CSMD1: variants seen among roughly 807,000 people sequenced by gnomAD.
CSMD1 encodes the protein CUB and sushi domain-containing protein 1.
Under a neutral mutation model 417.5 loss-of-function variants are expected in CSMD1, and 213 were observed. The observed-to-expected ratio is 0.51, with a 90% CI of 0.46 to 0.57. The LOEUF is 0.57. Ranked by LOEUF, CSMD1 falls within the 20% of genes least tolerant of loss-of-function variation. CSMD1 has a pLI of 0.00. For missense variants in CSMD1, 6,923 were observed against 4,529.7 expected (o/e 1.53, Z -15.17); for synonymous variants, 2,862 against 1,736.8 (o/e 1.65, Z -16.11).
intron 5 of CSMD1, among the ~76,000 whole-genome samples, chr8:3,759,730 CT>C: frequency 1.6e-5 from 2 of 126,438 alleles, no homozygotes; most frequent in African/African-American, 3.3e-5. Flanking sequence ...ACCACCTCTA[CT>C]AAAAATACCA....
chr8:4,331,069 T>C (rs1799843434), intron 3 of CSMD1, among the ~76,000 whole-genome samples: 1 of 152,232 alleles, frequency 6.6e-6, no homozygotes, highest in South Asian at 2.1e-4. Context: ...ATAATTTTTG[T>C]TTCTTATTCT....
Position 4,031,948 on chromosome 8 carries a change from T to C in CSMD1, c.567A>G (p.Pro189=). Residue 189 remains proline, a synonymous_variant, in exon 4 of 70, where the codon CCA becomes CCG. Coordinates refer to ENST00000635120, the MANE Select transcript of CSMD1 (RefSeq NM_033225.6). ...GGAAGTCCCACGATGCACCATTTCCTGGGCTGACGATGCAGGTCAGGATGG... is the reference window on the plus strand; with the variant it reads ...GGAAGTCCCACGATGCACCATTTCCCGGGCTGACGATGCAGGTCAGGATGG... ...GHAILTCIVS[P]GNGASWDFPA... The C allele has an allele frequency of 6.2e-7, 1 of 1,613,966 alleles. No individual in the cohort carries two copies. The highest frequency in any genetic ancestry group is 1.3e-5 in the African/African-American group (1 of 75,054).
chr8:3,404,241 A>G (rs956049011), intron 15 of CSMD1, among the ~76,000 whole-genome samples: 5 of 151,990 alleles, frequency 3.3e-5, no homozygotes, highest in African/African-American at 1.2e-4. Context: ...AGGCTGAGGC[A>G]GAAGAACTGC....
chr8:4,962,591 T>C (rs1030413869), intron 1 of CSMD1, among the ~76,000 whole-genome samples: 6 of 152,156 alleles, frequency 3.9e-5, no homozygotes, highest in Admixed American at 3.3e-4. Context: ...ATCAGATGGG[T>C]ATTTGATAAA....
intron 3 of CSMD1, among the ~76,000 whole-genome samples, chr8:4,084,837 A>G (rs867350219): frequency 6.7e-6 from 1 of 148,486 alleles, no homozygotes; most frequent in Non-Finnish European, 1.5e-5. Context: ...GCTCTGTTCC[A>G]TCTTGAAGAA....
intron 10 of CSMD1, among the ~76,000 whole-genome samples, chr8:3,551,289 C>A (rs1301178997): frequency 2.0e-5 from 3 of 152,124 alleles, no homozygotes; most frequent in Non-Finnish European, 2.9e-5. Context: ...TACTACAGGA[C>A]TGTCATATCC....
chr8:4,882,459 GC>G (rs140612310), intron 1 of CSMD1, among the ~76,000 whole-genome samples: 2,889 of 151,788 alleles, frequency 0.019, 116 homozygotes, highest in African/African-American at 0.066. Flanking sequence ...GTATTGGGGG[GC>G]GAGTTTGGCG....
chr8:3,610,494 A>C (rs1218378638), intron 8 of CSMD1, among the ~76,000 whole-genome samples: 1 of 40,252 alleles, frequency 2.5e-5, no homozygotes, highest in African/African-American at 7.7e-5. Context: ...AGGCTGAGTG[A>C]CAAGTAACAG....
chr8:4,015,017 C>T (rs950903643), intron 4 of CSMD1, among the ~76,000 whole-genome samples: 2 of 152,128 alleles, frequency 1.3e-5, no homozygotes, highest in African/African-American at 2.4e-5. Flanking sequence ...ACCAGGTTTA[C>T]TAGAATCTAA....
chr8:4,541,412 T>A (rs1018398622), intron 2 of CSMD1, among the ~76,000 whole-genome samples: 1 of 152,158 alleles, frequency 6.6e-6, no homozygotes, highest in East Asian at 1.9e-4. Flanking sequence ...GCCTTCACCT[T>A]TGCACTTCTA....
rs375448391 is a variant in CSMD1 at position 4,716,308 on chromosome 8, G to A, written c.86-78750C>T. ...CAACACCCAGAAAGGGCACAAAGAA[G>A]GTCATGTGGCTGAGGAAATGTCTTC... On this transcript the variant is annotated intron_variant, in intron 1 of 69. Coordinates refer to ENST00000635120, the MANE Select transcript of CSMD1 (RefSeq NM_033225.6). 8.5e-5 allele frequency among the ~76,000 whole-genome samples: 13 copies of A among 152,274 alleles called. No homozygotes were observed. In the South Asian group the frequency reaches 2.7e-3, roughly 32 times the overall value.
intron 3 of CSMD1, among the ~76,000 whole-genome samples, chr8:4,272,286 G>C (rs1032225939): frequency 6.6e-6 from 1 of 152,086 alleles, no homozygotes; most frequent in Admixed American, 6.6e-5. Context: ...CTTATAAATA[G>C]AAAAACATTT....
intron 3 of CSMD1, among the ~76,000 whole-genome samples, chr8:4,212,456 C>T (rs550195050): frequency 2.6e-5 from 4 of 151,994 alleles, no homozygotes; most frequent in Admixed American, 6.6e-5. Context: ...GAAAAATGTA[C>T]TTAACATTTG....
intron 7 of CSMD1, among the ~76,000 whole-genome samples, chr8:3,626,049 G>C (rs536357569): frequency 2.8e-4 from 43 of 152,202 alleles, no homozygotes; most frequent in African/African-American, 9.4e-4. Flanking sequence ...AAAATTAATG[G>C]CACTGAACAT....
At chr8:4,805,682 T>C (rs868276447) in intron 1 of CSMD1, among the ~76,000 whole-genome samples, 3 of 152,220 alleles carry the variant, frequency 2.0e-5, no homozygotes, top group Admixed American at 6.5e-5. Context: ...TAAAATACTT[T>C]GCATGCAGAT....
At chr8:3,874,706 ATGCGACTGGCGCCCAC>A (rs1477135297) in intron 5 of CSMD1, among the ~76,000 whole-genome samples, 1 of 152,146 alleles carries the variant, frequency 6.6e-6, no homozygotes, top group Non-Finnish European at 1.5e-5. Context: ...CCTACAACAA[ATGCGACTGGCGCCCAC>A]TGCTCTTGGC....
chr8:3,567,530 G>T (rs1412572215), intron 10 of CSMD1, among the ~76,000 whole-genome samples: 4 of 148,848 alleles, frequency 2.7e-5, no homozygotes, highest in Non-Finnish European at 6.0e-5. Context: ...AGGGGATGGG[G>T]GAGGGGAAAG....
At chr8:4,714,585 T>C (rs767957671) in intron 1 of CSMD1, among the ~76,000 whole-genome samples, 2 of 152,190 alleles carry the variant, frequency 1.3e-5, no homozygotes, top group East Asian at 1.9e-4. Context: ...CATAGGGTTA[T>C]TGAATAACAC....
At chr8:4,260,435 A>G (rs1803797579) in intron 3 of CSMD1, among the ~76,000 whole-genome samples, 2 of 152,150 alleles carry the variant, frequency 1.3e-5, no homozygotes, top group African/African-American at 4.8e-5. Flanking sequence ...ACTAGTATGT[A>G]CTTTACTGAG....
Sources: allele counts gnomAD v4.1 joint callset (sites outside exome capture counted in the v4.1 genomes callset), GRCh38; gene constraint gnomAD v4.1.1; transcripts MANE v1.5; gene names NCBI Gene and HGNC (gene_info 2026-07-23, HGNC 2026-07-21).